The following DESI1 variants were observed in gnomAD, a reference collection of about 807,000 sequenced individuals.
The protein encoded by DESI1 is desumoylating isopeptidase 1, also known as PPPDE peptidase domain containing 2.
DESI1 carries 17 observed loss-of-function variants against 22.4 expected under a neutral mutation model. The ratio of observed to expected loss-of-function variants is 0.76; its 90% CI spans 0.52 to 1.14. The LOEUF is 1.14. DESI1 is among the 50% of genes most tolerant of loss of function. The pLI is 0.00. For synonymous variants in DESI1, 92 were observed against 84.2 expected (o/e 1.09, Z -0.51); for missense variants, 177 against 208.9 (o/e 0.85, Z 0.94).
intron 3 of DESI1, among the ~76,000 whole-genome samples, chr22:41,606,145 T>A (rs1180878413): frequency 2.0e-5 from 3 of 152,066 alleles, no homozygotes; most frequent in Non-Finnish European, 4.4e-5. Context: ...GTAGATTGCT[T>A]GAGCCCAGGA....
Position 41,598,917 on chromosome 22 carries a change from C to G in DESI1, c.*2180G>C, listed in dbSNP as rs1393616374. On this transcript the variant is annotated 3_prime_UTR_variant, in exon 6 of 6. Transcript: ENST00000263256. ...TCTGCTCTAATCTATTATTTCCATG[C>G]ACACTGGCAAATCAGTGGGTCTTGA... The G allele has an allele frequency of 6.6e-6, 1 of 152,268 alleles. No homozygotes were observed. Among genetic ancestry groups the G allele is most frequent in the Non-Finnish European group, 1.5e-5 (1 of 68,058 alleles). The allele number at this position is 152,268 out of a possible 1,614,324, so 9.4% of individuals were successfully genotyped here.
rs151243323 is a variant in DESI1, at chr22:41,598,305, G to A, written c.*2792C>T. On this transcript the variant is annotated 3_prime_UTR_variant, in exon 6 of 6. Coordinates refer to ENST00000263256, the MANE Select transcript of DESI1 (RefSeq NM_015704.3). ...CCAGGCGGAGTTAGCCGGCCACAAT[G>A]AGAATGCTCCTGAGGTGCTGGGACA... 5.6e-3 allele frequency: 857 copies of A among 152,508 alleles called. 2 individuals carry two copies. Among genetic ancestry groups the A allele is most frequent in the Middle Eastern group, 0.024 (7 of 294 alleles). 9.4% of individuals were successfully genotyped at this position (152,508 alleles called of 1,614,324 possible).
At chr22:41,610,852 GAA>G (rs1368388581) in intron 1 of DESI1, among the ~76,000 whole-genome samples, 19 of 139,508 alleles carry the variant, frequency 1.4e-4, no homozygotes, top group African/African-American at 4.7e-4. Flanking sequence ...CAGCCTGGGT[GAA>G]AAGAGCGAAA....
Position 41,620,792 on chromosome 22 carries a change from C to G in DESI1, c.48G>C (p.Leu16=). The stretch of plus-strand genomic sequence containing the variant: ...TGAGCCGCCGGGCCAGGCCTTTGGA[C>G]AGGTCGTACACGTAGAGCTTCACCG... The part of the protein sequence containing the change: ...LYPVKLYVYD[L]SKGLARRLSP... The change falls in exon 1 of 6, where the codon CTG becomes CTC. Residue 16 remains leucine (L), a synonymous_variant. Coordinates refer to ENST00000263256, the MANE Select transcript of DESI1 (RefSeq NM_015704.3). 3.7e-6 allele frequency: 6 copies of G among 1,612,854 alleles called. No individual in the cohort carries two copies. In the South Asian group the frequency reaches 6.6e-5, roughly 18 times the overall value.
intron 1 of DESI1, among the ~76,000 whole-genome samples, chr22:41,615,792 C>T (rs367544229): frequency 6.6e-6 from 1 of 152,264 alleles, no homozygotes; most frequent in African/African-American, 2.4e-5. Flanking sequence ...ACATGCTCAG[C>T]TCACCATGGC....
Position 41,598,276 on chromosome 22 carries a change from A to G in DESI1, c.*2821T>C, listed in dbSNP as rs984333138. On this transcript the variant is annotated 3_prime_UTR_variant, in exon 6 of 6. Coordinates refer to ENST00000263256, the MANE Select transcript of DESI1 (RefSeq NM_015704.3). Reference sequence around the variant, plus strand: ...CATTTCCCACTGTGCTTGCCTGTTCACATCCAGGCGGAGTTAGCCGGCCAC... The same window carrying G: ...CATTTCCCACTGTGCTTGCCTGTTCGCATCCAGGCGGAGTTAGCCGGCCAC... 1 of 152,278 alleles carries G rather than the reference A, an allele frequency of 6.6e-6. No individual in the cohort carries two copies. The highest frequency in any genetic ancestry group is 2.4e-5 in the African/African-American group (1 of 41,428). 9.4% of individuals were successfully genotyped at this position (152,278 alleles called of 1,614,324 possible).
chr22:41,608,638 G>A (rs2067496443), intron 1 of DESI1, among the ~76,000 whole-genome samples: 1 of 152,188 alleles, frequency 6.6e-6, no homozygotes, highest in South Asian at 2.1e-4. Context: ...CAACAGGATG[G>A]CCAGCAAAGC....
chr22:41,603,872 A>G (rs1335541220), intron 4 of DESI1, among the ~76,000 whole-genome samples, 172 bp downstream of exon 4: 1 of 152,220 alleles, frequency 6.6e-6, no homozygotes, highest in Non-Finnish European at 1.5e-5. Flanking sequence ...GTATCAGAAC[A>G]ACTTAGAGCT....
In DESI1 at chr22:41,598,193, A is replaced by C. The variant is rs1389891219; in HGVS notation, c.*2904T>G. On this transcript the variant is annotated 3_prime_UTR_variant, in exon 6 of 6. Coordinates refer to ENST00000263256, the MANE Select transcript of DESI1 (RefSeq NM_015704.3). ...ATGGTCTCATCCCTCCTCCTTCCCTATCCCTTTAAACCAATGGACCTCTAG... is the reference window on the plus strand; with the variant it reads ...ATGGTCTCATCCCTCCTCCTTCCCTCTCCCTTTAAACCAATGGACCTCTAG... 1.3e-5 allele frequency: 2 copies of C among 152,146 alleles called. No individual in the cohort carries two copies. Among genetic ancestry groups the C allele is most frequent in the Non-Finnish European group, 2.9e-5 (2 of 68,042 alleles). The allele number at this position is 152,146 out of a possible 1,614,324, so 9.4% of individuals were successfully genotyped here. A position where few individuals can be genotyped will look rare whatever the true frequency, so the allele number is the denominator to read the frequency against.
At chr22:41,608,410 T>G (rs2067495142) in intron 1 of DESI1, among the ~76,000 whole-genome samples, 1 of 152,160 alleles carries the variant, frequency 6.6e-6, no homozygotes, top group Non-Finnish European at 1.5e-5. Context: ...CACAAATAAT[T>G]AACTAAAACA....
chr22:41,613,164 A>G (rs1368826618), intron 1 of DESI1, among the ~76,000 whole-genome samples: 1 of 146,770 alleles, frequency 6.8e-6, no homozygotes, highest in Admixed American at 6.6e-5. Flanking sequence ...CAATAGCCAC[A>G]TGTGACTAGT....
At chr22:41,611,997 A>G (rs1189045122) in intron 1 of DESI1, among the ~76,000 whole-genome samples, 1 of 151,938 alleles carries the variant, frequency 6.6e-6, no homozygotes, top group East Asian at 1.9e-4. Flanking sequence ...TGGTGTAGAC[A>G]GGTTGGGTGT....
At chr22:41,617,898 C>G (rs900167607) in intron 1 of DESI1, among the ~76,000 whole-genome samples, 3 of 152,158 alleles carry the variant, frequency 2.0e-5, no homozygotes, top group Non-Finnish European at 4.4e-5. Context: ...TCCACAAAAG[C>G]CTTCTTTCAG....
intron 3 of DESI1, among the ~76,000 whole-genome samples, chr22:41,605,730 T>G (rs2067475371): frequency 6.6e-6 from 1 of 152,202 alleles, no homozygotes; most frequent in South Asian, 2.1e-4. Flanking sequence ...AAGCTTAGTG[T>G]AGCAGGGAAG....
At chr22:41,603,495 T>C in intron 4 of DESI1, 114 bp from the exon 5 acceptor site, 1 of 1,497,526 alleles carries the variant, frequency 6.7e-7, no homozygotes, top group Non-Finnish European at 9.1e-7. Context: ...GATTGCGATT[T>C]CCCCCGTCTC....
Position 41,607,166 on chromosome 22 carries a change from C to T in DESI1, c.180+96G>A, listed in dbSNP as rs1419859884. The T allele has an allele frequency of 2.5e-6, 3 of 1,204,724 alleles. No homozygotes were observed. In the East Asian group the frequency reaches 8.3e-5, roughly 33 times the overall value. The allele number at this position is 1,204,724 out of a possible 1,614,324, so 74.6% of individuals were successfully genotyped here. A position where few individuals can be genotyped will look rare whatever the true frequency, so the allele number is the denominator to read the frequency against. Reference sequence around the variant, plus strand: ...CAAGTCTTCAGGTGGCTTTGAGGAACAATGCCAGAAGTCCATAGTAGAAGC... The same window carrying T: ...CAAGTCTTCAGGTGGCTTTGAGGAATAATGCCAGAAGTCCATAGTAGAAGC... On this transcript the variant is annotated intron_variant, in intron 3 of 5. Transcript: ENST00000263256.
chr22:41,602,669 C>T, intron 5 of DESI1: 1 of 987,410 alleles, frequency 1.0e-6, no homozygotes, highest in Non-Finnish European at 1.2e-6. Context: ...GTGTTGTGTC[C>T]TTTCGGGGTA....
chr22:41,603,199 C>T (rs527580934), intron 5 of DESI1, 60 bp downstream of exon 5: 1 of 1,611,534 alleles, frequency 6.2e-7, no homozygotes, highest in Admixed American at 1.7e-5. Context: ...AGGGCACTGA[C>T]CGTGAATGGG....
intron 4 of DESI1, 108 bp downstream of exon 4, chr22:41,603,936 G>T: frequency 1.0e-6 from 1 of 963,126 alleles, no homozygotes; most frequent in Non-Finnish European, 1.5e-6. Context: ...AACTGGGCCA[G>T]GCCTTGTGCT....
Sources: allele counts gnomAD v4.1 joint callset (sites outside exome capture counted in the v4.1 genomes callset), GRCh38; gene constraint gnomAD v4.1.1; transcripts MANE v1.5; gene names NCBI Gene and HGNC (gene_info 2026-07-23, HGNC 2026-07-21).